Variants in MAPK4 observed in about 807,000 individuals in gnomAD.
The protein encoded by MAPK4 is mitogen-activated protein kinase 4.
Under a neutral mutation model 47.7 loss-of-function variants are expected in MAPK4, and 22 were observed. The ratio of observed to expected loss-of-function variants is 0.46; its 90% CI spans 0.33 to 0.66. MAPK4 has a LOEUF of 0.66. MAPK4 is among the 30% of genes least tolerant of loss of function. MAPK4 has a pLI of 0.02. For missense variants in MAPK4, 736 were observed against 831.7 expected, an observed-to-expected ratio of 0.88 and a Z score of 1.42; for synonymous variants, 390 against 365.7, an observed-to-expected ratio of 1.07 and a Z score of -0.76.
intron 1 of MAPK4, among the ~76,000 whole-genome samples, chr18:50,571,919 C>T (rs1480533479): frequency 6.6e-6 from 1 of 152,000 alleles, no homozygotes; most frequent in Non-Finnish European, 1.5e-5. Context: ...AGTATTATAG[C>T]TCATTCAATA....
At chr18:50,584,347 C>T (rs1181939246) in intron 1 of MAPK4, among the ~76,000 whole-genome samples, 2 of 152,102 alleles carry the variant, frequency 1.3e-5, no homozygotes, top group African/African-American at 2.4e-5. Flanking sequence ...CCATCCACTT[C>T]GTGTACCCCT....
rs1478974907 is a variant in MAPK4, at chr18:50,606,215, AT to A, written c.-871+45975del. ...GACATGGTCTTAGTTTTTGATGGCG[AT>A]TTGACAGATATAAGCAAAGGAATCC... On this transcript the variant is annotated intron_variant, in intron 1 of 5. Transcript: ENST00000400384. Among the ~76,000 whole-genome samples the A allele has an allele frequency of 5.3e-5, 8 of 152,210 alleles. No individual in the cohort carries two copies. In the East Asian group the frequency reaches 1.5e-3, roughly 29 times the overall value.
chr18:50,571,014 T>C (rs1290545689), intron 1 of MAPK4, among the ~76,000 whole-genome samples: 1 of 151,976 alleles, frequency 6.6e-6, no homozygotes, highest in Non-Finnish European at 1.5e-5. Flanking sequence ...TCTCAGAAAA[T>C]CACTGTCTGC....
chr18:50,622,259 G>T (rs2042738748), intron 1 of MAPK4, among the ~76,000 whole-genome samples: 1 of 152,152 alleles, frequency 6.6e-6, no homozygotes, highest in African/African-American at 2.4e-5. Flanking sequence ...AACTTGAAGG[G>T]CATTTGTTAT....
intron 1 of MAPK4, among the ~76,000 whole-genome samples, chr18:50,660,954 G>T (rs1212807016): frequency 6.6e-6 from 1 of 152,140 alleles, no homozygotes; most frequent in Non-Finnish European, 1.5e-5. Context: ...TCCCATGCAT[G>T]AGAGGGAAAG....
chr18:50,598,254 G>A (rs778610929), intron 1 of MAPK4, among the ~76,000 whole-genome samples: 9 of 152,114 alleles, frequency 5.9e-5, no homozygotes, highest in South Asian at 2.1e-4. Flanking sequence ...AAGAAATAGC[G>A]GCTGTCCTCC....
chr18:50,698,255 T>C (rs2144371872), intron 2 of MAPK4, among the ~76,000 whole-genome samples: 1 of 152,302 alleles, frequency 6.6e-6, no homozygotes, highest in East Asian at 1.9e-4. Flanking sequence ...CAAACAGCCC[T>C]AAATTATCAA....
chr18:50,629,950 C>T (rs1365792600), intron 1 of MAPK4: 2 of 152,122 alleles, frequency 1.3e-5, no homozygotes, highest in African/African-American at 2.4e-5. Context: ...GGACCAGGCA[C>T]GTTATTAAAC....
chr18:50,579,905 C>A (rs1316107611), intron 1 of MAPK4, among the ~76,000 whole-genome samples: 1 of 152,178 alleles, frequency 6.6e-6, no homozygotes, highest in Non-Finnish European at 1.5e-5. Context: ...CTCATCCATT[C>A]CTGGCCCATC....
At chr18:50,597,725 T>C (rs985381329) in intron 1 of MAPK4, among the ~76,000 whole-genome samples, 1 of 152,190 alleles carries the variant, frequency 6.6e-6, no homozygotes, top group South Asian at 2.1e-4. Context: ...TATGTGCTTG[T>C]TTGAGAAACC....
chr18:50,626,129 G>A (rs1168931642), intron 1 of MAPK4, among the ~76,000 whole-genome samples: 1 of 152,086 alleles, frequency 6.6e-6, no homozygotes, highest in Non-Finnish European at 1.5e-5. Flanking sequence ...CTACTGACTG[G>A]AAGAAGACCA....
intron 1 of MAPK4, among the ~76,000 whole-genome samples, chr18:50,570,008 GTTGT>G (rs1263288816): frequency 1.3e-5 from 2 of 152,224 alleles, no homozygotes; most frequent in African/African-American, 4.8e-5. Context: ...AGGAAGGTTT[GTTGT>G]TTGTTTGTTG....
At chr18:50,635,486 A>G (rs1046050947) in intron 1 of MAPK4, among the ~76,000 whole-genome samples, 2 of 152,194 alleles carry the variant, frequency 1.3e-5, no homozygotes, top group Non-Finnish European at 1.5e-5. Flanking sequence ...CAACTACCTT[A>G]AAAGCTCCCA....
chr18:50,709,993 G>C (rs1267929697), intron 2 of MAPK4, among the ~76,000 whole-genome samples: 5 of 152,122 alleles, frequency 3.3e-5, no homozygotes, highest in Admixed American at 3.3e-4. Context: ...AGGCTCCCAG[G>C]ACACATTGCA....
chr18:50,602,879 T>C (rs1441833375), intron 1 of MAPK4, among the ~76,000 whole-genome samples: 1 of 152,148 alleles, frequency 6.6e-6, no homozygotes, highest in Non-Finnish European at 1.5e-5. Context: ...CTCTGGTGCC[T>C]GAGTCCCCTA....
rs750789115 is a variant in MAPK4, at chr18:50,729,267, G to A, written c.1177G>A (p.Val393Met). 9 of 1,609,608 alleles carry A rather than the reference G, an allele frequency of 5.6e-6. No homozygotes were observed. The highest frequency in any genetic ancestry group is 3.3e-5 in the Admixed American group (2 of 59,882). The change falls in exon 6 of 6, where the codon GTG becomes ATG. Residue 393 changes from valine to methionine, a missense_variant. This residue lies in a region of MAPK4 where 377 missense variants were observed against 378.6 expected (regional missense o/e 1.00). Coordinates refer to ENST00000400384, the MANE Select transcript of MAPK4 (RefSeq NM_002747.4). ...RAGSAPLAED[V>M]QVDPRKDSHS... ...GGGTTCGGCGCCACTGGCTGAGGAC[G>A]TGCAGGTGGACCCGCGCAAGGACTC...
intron 1 of MAPK4, among the ~76,000 whole-genome samples, chr18:50,651,670 A>AC (rs2043050896): frequency 6.6e-6 from 1 of 152,162 alleles, no homozygotes; most frequent in Non-Finnish European, 1.5e-5. Context: ...AGGAAGTTAG[A>AC]ACCGAGGGAA....
In MAPK4 at chr18:50,664,386, CCAA is replaced by C. The variant is rs755998878; in HGVS notation, c.430_432del (p.Asn144del). The C allele has an allele frequency of 6.2e-7, 1 of 1,614,064 alleles. No individual in the cohort carries two copies. The highest frequency in any genetic ancestry group is 8.5e-7 in the Non-Finnish European group (1 of 1,180,028). ...CGCGGGCTCAAGTACATCCACTCCG[CCAA>C]CGTGCTGCACAGGGACCTGAAGCCC... On this transcript the variant is annotated inframe_deletion, in exon 2 of 6. Coordinates refer to ENST00000400384, the MANE Select transcript of MAPK4 (RefSeq NM_002747.4). The surrounding 1 kb of genome is among the most constrained non-coding windows in gnomAD (Gnocchi z 6.0).
In MAPK4 at chr18:50,664,066, G is replaced by C; in HGVS notation, c.108G>C (p.Ser36=). ...TCGGTGTCAATGGTTTGGTGCTGTCGGCCGTGGACAGCCGGGCCTGCCGGA... is the reference window on the plus strand; with the variant it reads ...TCGGTGTCAATGGTTTGGTGCTGTCCGCCGTGGACAGCCGGGCCTGCCGGA... The part of the protein sequence containing the change: ...LGFGVNGLVL[S]AVDSRACRKV... The change falls in exon 2 of 6, where the codon TCG becomes TCC. Residue 36 remains serine, a synonymous_variant. Coordinates refer to ENST00000400384, the MANE Select transcript of MAPK4 (RefSeq NM_002747.4). This position sits in a 1 kb window ranked among gnomAD's most constrained non-coding sequence, Gnocchi z 6.0. 1.2e-6 allele frequency: 2 copies of C among 1,613,866 alleles called. No homozygotes were observed. Among genetic ancestry groups the C allele is most frequent in the Non-Finnish European group, 1.7e-6 (2 of 1,180,028 alleles).
Sources: gnomAD v4.1 joint callset for allele counts (sites outside exome capture counted in the v4.1 genomes callset) on GRCh38, gnomAD v4.1.1 for gene constraint, gnomAD v4.1.1 regional missense constraint, Gnocchi (gnomAD v3.1) non-coding constraint, MANE v1.5 for transcripts, NCBI Gene and HGNC (gene_info 2026-07-23, HGNC 2026-07-21) for gene names.